DENND3: variants seen among roughly 807,000 people sequenced by gnomAD.
DENND3 encodes DENN domain containing 3.
Under a neutral mutation model 135.1 loss-of-function variants are expected in DENND3, and 88 were observed. The ratio of observed to expected loss-of-function variants is 0.65; its 90% confidence interval spans 0.55 to 0.78. The LOEUF is 0.78. Among genes scored for constraint, DENND3 ranks in the 30% least tolerant of loss-of-function variants. DENND3 has a pLI of 0.00. For synonymous variants in DENND3, 693 were observed against 712.3 expected (o/e 0.97, Z 0.43); for missense variants, 1,392 against 1,688.4 (o/e 0.82, Z 3.08).
Position 141,168,331 on chromosome 8 carries a change from C to A in DENND3, c.2081C>A (p.Ala694Glu). 1 of 1,613,914 alleles carries A rather than the reference C, an allele frequency of 6.2e-7. No individual in the cohort carries two copies. Among genetic ancestry groups the A allele is most frequent in the South Asian group, 1.1e-5 (1 of 91,080 alleles). ...CCTGAGTGGGAGGGGGCTGAGCAGG[C>A]GCCGGAGCTGATGAGGCTCATCAGC... ...SAPEWEGAEQ[A>E]PELMRLISEI... is the part of the protein sequence containing the mutation. The change falls in exon 13 of 23, where the codon GCG (alanine) becomes GAG (glutamate). Residue 694 changes from alanine to glutamate, a missense_variant. By Grantham distance (107) the Ala-to-Glu change is moderately radical. Transcript: ENST00000519811. The surrounding 1 kb of genome is among the most constrained non-coding windows in gnomAD (Gnocchi z 6.2).
chr8:141,139,044 G>A lies in DENND3; in HGVS notation c.501+907G>A, dbSNP rs943926052. Among the ~76,000 whole-genome samples the A allele has an allele frequency of 6.6e-6, 1 of 152,180 alleles. No homozygotes were observed. The highest frequency in any genetic ancestry group is 1.5e-5 in the Non-Finnish European group (1 of 68,032). On this transcript the variant is annotated intron_variant, in intron 3 of 22. Transcript: ENST00000519811. The surrounding 1 kb of genome is among the most constrained non-coding windows in gnomAD (Gnocchi z 4.2). ...GAATCAGTGGGCCTTTGGGGAACTC[G>A]TAGGGGAAACGATGTATCCAAAGGT...
intron 22 of DENND3, 130 bp downstream of exon 22, chr8:141,192,793 C>CGA: frequency 1.3e-6 from 2 of 1,586,824 alleles, no homozygotes; most frequent in Non-Finnish European, 1.7e-6. Context: ...GGTTCCCCTC[C>CGA]TAACAGGCAC....
At position 141,189,839 on chromosome 8, in the gene DENND3, C is replaced by T. The variant is rs571304151; in HGVS notation, c.3246-445C>T. Reference sequence around the variant, plus strand: ...GCTCGAGCCCAGCCCCGCCCACAGCCGCCTGCACCTGCAGCCAGCCCATGT... The same window carrying T: ...GCTCGAGCCCAGCCCCGCCCACAGCTGCCTGCACCTGCAGCCAGCCCATGT... On this transcript the variant is annotated intron_variant, in intron 19 of 22. Coordinates refer to ENST00000519811, the MANE Select transcript of DENND3 (RefSeq NM_001352890.3). 1.4e-4 allele frequency among the ~76,000 whole-genome samples: 21 copies of T among 152,336 alleles called. No homozygotes were observed. The South Asian group carries it at 3.1e-3, about 23-fold the overall frequency.
rs959828636 is a variant in DENND3 at position 141,135,676 on chromosome 8, A to C, written c.103-833A>C. Among the ~76,000 whole-genome samples the C allele has an allele frequency of 2.6e-5, 4 of 152,198 alleles. No homozygotes were observed. The East Asian group carries it at 7.7e-4, about 29-fold the overall frequency. ...AGTATTTGTTTTGTCCTAGCTCTGT[A>C]CTAGGAGCTGTATTGGGCATAGTAG... On this transcript the variant is annotated intron_variant, in intron 1 of 22. Coordinates refer to ENST00000519811, the MANE Select transcript of DENND3 (RefSeq NM_001352890.3).
rs61995878 is a variant in DENND3 at position 141,171,030 on chromosome 8, T to G, written c.2275+2505T>G. 2.6e-3 allele frequency among the ~76,000 whole-genome samples: 395 copies of G among 152,288 alleles called. 1 individual carries two copies. Among genetic ancestry groups the G allele is most frequent in the African/African-American group, 9.2e-3 (382 of 41,554 alleles). On this transcript the variant is annotated intron_variant, in intron 13 of 22. Transcript: ENST00000519811. Reference sequence around the variant, plus strand: ...GAGCCCGGGAAGGGTGCGTGGGCCCTGTCCAGCAGACCTGGCTGCTTGTGA... The same window carrying G: ...GAGCCCGGGAAGGGTGCGTGGGCCCGGTCCAGCAGACCTGGCTGCTTGTGA...
At position 141,189,078 on chromosome 8, in the gene DENND3, C is replaced by G; in HGVS notation, c.3177C>G (p.Asn1059Lys). ...TCAACGTCCACAGCATGTCCTGCAA[C>G]AAGCAGCTCACAGCCCACTGCTCCA... ...YIINVHSMSC[N>K]KQLTAHCSSV... Residue 1059 changes from asparagine to lysine, a missense_variant, in exon 19 of 23, where the codon AAC (asparagine) becomes AAG (lysine). Coordinates refer to ENST00000519811, the MANE Select transcript of DENND3 (RefSeq NM_001352890.3). 1 of 1,614,214 alleles carries G rather than the reference C, an allele frequency of 6.2e-7. No individual in the cohort carries two copies. The highest frequency in any genetic ancestry group is 8.5e-7 in the Non-Finnish European group (1 of 1,180,040).
intron 1 of DENND3, 135 bp from the exon 2 acceptor site, chr8:141,136,374 T>C (rs1389168460): frequency 1.5e-5 from 14 of 931,946 alleles, no homozygotes; most frequent in Non-Finnish European, 2.2e-5. Context: ...AGCCCTTTAC[T>C]GTTAGGAGCC....
rs1390844838 is a variant in DENND3, at chr8:141,130,054, T to G, written c.102+1245T>G. ...ATTTGCCAGATGGCATCTCCTCCTTTTTCTTCGAATAGGAAGTGACCTAGT... is the reference window on the plus strand; with the variant it reads ...ATTTGCCAGATGGCATCTCCTCCTTGTTCTTCGAATAGGAAGTGACCTAGT... On this transcript the variant is annotated intron_variant, in intron 1 of 22. Coordinates refer to ENST00000519811, the MANE Select transcript of DENND3 (RefSeq NM_001352890.3). The surrounding 1 kb of genome is among the most constrained non-coding windows in gnomAD (Gnocchi z 4.2). The G allele has an allele frequency of 6.6e-6, 1 of 152,234 alleles. No individual in the cohort carries two copies. The highest frequency in any genetic ancestry group is 1.5e-5 in the Non-Finnish European group (1 of 68,046). The allele number at this position is 152,234 out of a possible 1,614,324, so 9.4% of individuals were successfully genotyped here.
Position 141,154,388 on chromosome 8 carries a change from TGG to T in DENND3, c.1075-1460_1075-1459del, listed in dbSNP as rs917682875. On this transcript the variant is annotated intron_variant, in intron 7 of 22. Transcript: ENST00000519811. This position sits in a 1 kb window ranked among gnomAD's most constrained non-coding sequence, Gnocchi z 4.4. ...AGGCCCCTGCCCATGCTCTGGTGCT[TGG>T]AGGGGCGGAGCTGGCTGGGGAGCTG... Among the ~76,000 whole-genome samples, 1 of 152,158 alleles carries T rather than the reference TGG, an allele frequency of 6.6e-6. No homozygotes were observed. The highest frequency in any genetic ancestry group is 2.4e-5 in the African/African-American group (1 of 41,446).
In DENND3 at chr8:141,189,047, ACAT is replaced by A. The variant is rs1168148032; in HGVS notation, c.3152_3154del (p.Ile1051del). 3 of 1,614,064 alleles carry A rather than the reference ACAT, an allele frequency of 1.9e-6. No homozygotes were observed. Among genetic ancestry groups the A allele is most frequent in the Non-Finnish European group, 2.5e-6 (3 of 1,180,034 alleles). On this transcript the variant is annotated inframe_deletion, in exon 19 of 23. Coordinates refer to ENST00000519811, the MANE Select transcript of DENND3 (RefSeq NM_001352890.3). ...GTTGGCTCGGAAGACTCCGTCATCT[ACAT>A]CATCAACGTCCACAGCATGTCCTGC...
At chr8:141,171,893 C>T (rs1821622786) in intron 13 of DENND3, among the ~76,000 whole-genome samples, 1 of 147,998 alleles carries the variant, frequency 6.8e-6, no homozygotes, top group Non-Finnish European at 1.5e-5. Context: ...GATGGGCATG[C>T]ACAGTGGGTG....
chr8:141,155,889 G>A lies in DENND3; in HGVS notation c.1115G>A (p.Ser372Asn), dbSNP rs759563170. 1 of 1,612,578 alleles carries A rather than the reference G, an allele frequency of 6.2e-7. No individual in the cohort carries two copies. The highest frequency in any genetic ancestry group is 8.5e-7 in the Non-Finnish European group (1 of 1,179,124). The change falls in exon 8 of 23, where the codon AGC becomes AAC. Residue 372 changes from serine (S) to asparagine (N), a missense_variant. Transcript: ENST00000519811. ...GTTCTGATAAATATTGATCATGGGAGCATCACCTACTCCAAGTCCACGGAC... is the reference window on the plus strand; with the variant it reads ...GTTCTGATAAATATTGATCATGGGAACATCACCTACTCCAAGTCCACGGAC... ...GLVLINIDHG[S>N]ITYSKSTDDN...
rs1822039140 is a variant in DENND3 at position 141,174,312 on chromosome 8, T to G, written c.2276-888T>G. Among the ~76,000 whole-genome samples, 1 of 151,784 alleles carries G rather than the reference T, an allele frequency of 6.6e-6. No homozygotes were observed. ...AGTGCCACGCAAAGCAGGCTGTGAGTGCGGGTGGCTCTGAAGGCAGGAGCC... is the reference window on the plus strand; with the variant it reads ...AGTGCCACGCAAAGCAGGCTGTGAGGGCGGGTGGCTCTGAAGGCAGGAGCC... On this transcript the variant is annotated intron_variant, in intron 13 of 22. Coordinates refer to ENST00000519811, the MANE Select transcript of DENND3 (RefSeq NM_001352890.3). The surrounding 1 kb of genome is among the most constrained non-coding windows in gnomAD (Gnocchi z 4.6).
At chr8:141,193,400 T>C (rs973434831) in intron 22 of DENND3, 2 of 155,564 alleles carry the variant, frequency 1.3e-5, no homozygotes, top group South Asian at 1.9e-4. Context: ...AGCCCTCCGA[T>C]GTGGGTGAGC....
intron 13 of DENND3, among the ~76,000 whole-genome samples, chr8:141,171,452 G>C (rs940731639): frequency 6.6e-6 from 1 of 152,196 alleles, no homozygotes; most frequent in Admixed American, 6.5e-5. Flanking sequence ...GAAGCAAGAC[G>C]TCCATGGGCA....
chr8:141,185,382 G>C (rs1472473103), intron 18 of DENND3, 104 bp downstream of exon 18: 1 of 1,451,682 alleles, frequency 6.9e-7, no homozygotes, highest in Non-Finnish European at 9.3e-7. Context: ...CTATTCCACA[G>C]CCTCACTCGG....
At position 141,195,444 on chromosome 8, in the gene DENND3, A is replaced by G. The variant is rs1470438876; in HGVS notation, c.*1211A>G. On this transcript the variant is annotated 3_prime_UTR_variant, in exon 23 of 23. Transcript: ENST00000519811. ...GATGGGCCGCTTTCAGAAGCCCTGCAGTGCCTCCAGATGGAAAGGCGGGCC... is the reference window on the plus strand; with the variant it reads ...GATGGGCCGCTTTCAGAAGCCCTGCGGTGCCTCCAGATGGAAAGGCGGGCC... 1 of 152,296 alleles carries G rather than the reference A, an allele frequency of 6.6e-6. No individual in the cohort carries two copies. Among genetic ancestry groups the G allele is most frequent in the Non-Finnish European group, 1.5e-5 (1 of 68,096 alleles). 9.4% of individuals were successfully genotyped at this position (152,296 alleles called of 1,614,324 possible).
Position 141,188,858 on chromosome 8 carries a change from A to C in DENND3, c.3085-128A>C, listed in dbSNP as rs1824288743. 31 of 1,280,836 alleles carry C rather than the reference A, an allele frequency of 2.4e-5. No individual in the cohort carries two copies. The South Asian group carries it at 4.6e-4, about 19-fold the overall frequency. 79.3% of individuals were successfully genotyped at this position (1,280,836 alleles called of 1,614,324 possible). ...AGGGCCAGAGGCTCCCAGGACCCTG[A>C]GCCGGCGTGTCCCCTAGGAGCAGTG... On this transcript the variant is annotated intron_variant, in intron 18 of 22. Coordinates refer to ENST00000519811, the MANE Select transcript of DENND3 (RefSeq NM_001352890.3).
rs147159737 is a variant in DENND3, at chr8:141,166,310, C to A, written c.1674C>A (p.Asp558Glu). Residue 558 changes from aspartate (D) to glutamate (E), a missense_variant, in exon 12 of 23, where the codon GAC becomes GAA. Physicochemically the swap from Asp to Glu is conservative, Grantham distance 45 (BLOSUM62 2). Coordinates refer to ENST00000519811, the MANE Select transcript of DENND3 (RefSeq NM_001352890.3). The surrounding 1 kb of genome is among the most constrained non-coding windows in gnomAD (Gnocchi z 4.3). Reference protein sequence around the residue: ...RMVVSMPNLQDIAMPELAPRN... With the variant: ...RMVVSMPNLQEIAMPELAPRN... ...TGGTCAGCATGCCCAACCTGCAGGA[C>A]ATTGCCATGCCTGAGCTGGCACCCA... 1 of 1,614,006 alleles carries A rather than the reference C, an allele frequency of 6.2e-7. No individual in the cohort carries two copies. Among genetic ancestry groups the A allele is most frequent in the Admixed American group, 1.7e-5 (1 of 60,030 alleles).
Sources: gnomAD v4.1 joint callset for allele counts (sites outside exome capture counted in the v4.1 genomes callset) on GRCh38, gnomAD v4.1.1 for gene constraint, Gnocchi (gnomAD v3.1) non-coding constraint, MANE v1.5 for transcripts, NCBI Gene and HGNC (gene_info 2026-07-23, HGNC 2026-07-21) for gene names.